CANX: variants seen among roughly 807,000 people sequenced by gnomAD.
CANX encodes calnexin.
In CANX, 14 loss-of-function variants were observed where a neutral mutation model predicts 75.7. The ratio of observed to expected loss-of-function variants is 0.19; its 90% confidence interval spans 0.12 to 0.29. The LOEUF (loss-of-function observed/expected upper bound fraction) is 0.29, where lower values mean the gene tolerates loss of function less well. Among genes scored for constraint, CANX ranks in the 10% least tolerant of loss-of-function variants. The probability of loss-of-function intolerance (pLI) is 1.00; values close to 1 mark genes in which losing one functional copy is unlikely to be tolerated. For synonymous variants in CANX, 227 were observed against 236.9 expected (o/e 0.96, Z 0.38); for missense variants, 567 against 713.2 (o/e 0.79, Z 2.34).
rs149204588 is a variant in CANX at position 179,720,578 on chromosome 5, G to A, written c.1182+18G>A. The A allele has an allele frequency of 5.2e-4, 836 of 1,610,808 alleles. 9 individuals are homozygous for A. The East Asian group carries it at 0.017, about 34-fold the overall frequency. On this transcript the variant is annotated intron_variant, in intron 10 of 14. Coordinates refer to ENST00000247461, the MANE Select transcript of CANX (RefSeq NM_001746.4). ...GTTACCAGGTTTGTGCCTCTTGATGGTTGAGTTGCTTTCATTAATCTGTTT... is the reference window on the plus strand; with the variant it reads ...GTTACCAGGTTTGTGCCTCTTGATGATTGAGTTGCTTTCATTAATCTGTTT...
In CANX at chr5:179,730,804, G is replaced by A. The variant is rs1468756479; in HGVS notation, c.*2160G>A. 6.6e-6 allele frequency: 1 copy of A among 152,150 alleles called. No individual in the cohort carries two copies. Among genetic ancestry groups the A allele is most frequent in the African/African-American group, 2.4e-5 (1 of 41,408 alleles). 9.4% of individuals were successfully genotyped at this position (152,150 alleles called of 1,614,324 possible). A position where few individuals can be genotyped will look rare whatever the true frequency, so the allele number is the denominator to read the frequency against. ...TTACATGCTGGTTACCTGTTCCATT[G>A]TTGTCAAATGCCCACTCTCCATCAG... On this transcript the variant is annotated 3_prime_UTR_variant, in exon 15 of 15. Transcript: ENST00000247461.
intron 1 of CANX, among the ~76,000 whole-genome samples, chr5:179,681,141 G>C (rs757393966): frequency 3.3e-5 from 5 of 152,180 alleles, no homozygotes; most frequent in Non-Finnish European, 7.3e-5. Context: ...TGAGCTGTCA[G>C]ATAGACTCTG....
rs1206480222 is a variant in CANX at position 179,706,276 on chromosome 5, G to A, written c.190G>A (p.Val64Ile). 3.1e-6 allele frequency: 5 copies of A among 1,594,148 alleles called. No individual in the cohort carries two copies. The African/African-American group carries it at 5.4e-5, about 17-fold the overall frequency. Residue 64 changes from valine (V) to isoleucine (I), a missense_variant, in exon 3 of 15, where the codon GTT (valine) becomes ATT (isoleucine). This residue lies in a region of CANX where 351 missense variants were observed against 433.8 expected (regional missense o/e 0.81). Coordinates refer to ENST00000247461, the MANE Select transcript of CANX (RefSeq NM_001746.4). The stretch of plus-strand genomic sequence containing the variant: ...AACACAGGTTACTTACAAAGCTCCA[G>A]TTCCAACAGGGGAAGTATATTTTGC... ...SSPKVTYKAP[V>I]PTGEVYFADS...
chr5:179,720,946 G>A (rs1309896253), intron 10 of CANX, among the ~76,000 whole-genome samples: 1 of 151,716 alleles, frequency 6.6e-6, no homozygotes, highest in African/African-American at 2.4e-5. Context: ...ACCACGCCTG[G>A]CTAATTTTTA....
At chr5:179,701,856 C>T (rs1424601133) in intron 1 of CANX, among the ~76,000 whole-genome samples, 2 of 143,910 alleles carry the variant, frequency 1.4e-5, no homozygotes, top group African/African-American at 2.5e-5. Flanking sequence ...TCTCCTGCCT[C>T]AGCCTCCCAA....
chr5:179,723,557 G>A, intron 11 of CANX, 103 bp from the exon 12 acceptor site: 5 of 1,141,614 alleles, frequency 4.4e-6, no homozygotes, highest in Non-Finnish European at 6.3e-6. Flanking sequence ...GAAAAAGAAG[G>A]TCCTGCGTAG....
chr5:179,698,161 T>C (rs1476761381), upstream of CANX, among the ~76,000 whole-genome samples: 1 of 152,216 alleles, frequency 6.6e-6, no homozygotes, highest in Non-Finnish European at 1.5e-5. Context: ...ACTGAAGATG[T>C]ACTAAGAGTG....
At chr5:179,698,714 G>T, upstream of CANX, 2 of 824,314 alleles carry the variant, frequency 2.4e-6, no homozygotes, top group Non-Finnish European at 3.5e-6. Context: ...CGGCGGTCTC[G>T]ATCCAGCGTG....
At chr5:179,683,641 C>T (rs1181595057) in intron 1 of CANX, among the ~76,000 whole-genome samples, 1 of 151,956 alleles carries the variant, frequency 6.6e-6, no homozygotes, top group South Asian at 2.1e-4. Flanking sequence ...TCAAGTGATT[C>T]TCCTGTCTCA....
At chr5:179,697,862 T>TGAGC (rs1776454422), upstream of CANX, among the ~76,000 whole-genome samples, 1 of 152,136 alleles carries the variant, frequency 6.6e-6, no homozygotes, top group South Asian at 2.1e-4. Flanking sequence ...GACTCCAGCC[T>TGAGC]GAGCGACAGA....
chr5:179,719,675 G>A lies in CANX; in HGVS notation c.919G>A (p.Asp307Asn). Residue 307 changes from aspartate to asparagine, a missense_variant, in exon 9 of 15, where the codon GAT becomes AAT. This residue lies in a region of CANX where 351 missense variants were observed against 433.8 expected (regional missense o/e 0.81). Coordinates refer to ENST00000247461, the MANE Select transcript of CANX (RefSeq NM_001746.4). ...TTTTCTTTTGTATTTAAGGGATGAAGATGCCCCTGCTAAGATTCCAGATGA... is the reference window on the plus strand; with the variant it reads ...TTTTCTTTTGTATTTAAGGGATGAAAATGCCCCTGCTAAGATTCCAGATGA... The part of the protein sequence containing the change: ...EAVKPDDWDE[D>N]APAKIPDEEA... 6.2e-7 allele frequency: 1 copy of A among 1,601,948 alleles called. No individual in the cohort carries two copies. Among genetic ancestry groups the A allele is most frequent in the South Asian group, 1.1e-5 (1 of 89,984 alleles).
At chr5:179,698,183 T>C (rs1046803799), upstream of CANX, among the ~76,000 whole-genome samples, 8 of 152,342 alleles carry the variant, frequency 5.3e-5, no homozygotes, top group African/African-American at 1.7e-4. Context: ...GTTACTAAAA[T>C]GGTGGCGTAT....
At chr5:179,723,240 TTGTC>T (rs1399738588) in intron 11 of CANX, among the ~76,000 whole-genome samples, 4 of 152,218 alleles carry the variant, frequency 2.6e-5, no homozygotes, top group African/African-American at 4.8e-5. Context: ...TTTTTATTAT[TTGTC>T]TGGGTATATA....
intron 1 of CANX, among the ~76,000 whole-genome samples, chr5:179,691,439 C>T (rs1776296921): frequency 6.6e-6 from 1 of 152,006 alleles, no homozygotes; most frequent in African/African-American, 2.4e-5. Flanking sequence ...GGGCACAGTG[C>T]TTCATGCCTG....
At chr5:179,693,533 G>A (rs1011627675), upstream of CANX, among the ~76,000 whole-genome samples, 9 of 152,268 alleles carry the variant, frequency 5.9e-5, no homozygotes, top group African/African-American at 2.2e-4. Flanking sequence ...AATTAGCCGG[G>A]TGAGGTGGCA....
intron 1 of CANX, among the ~76,000 whole-genome samples, chr5:179,680,502 G>A (rs1377114036): frequency 6.6e-6 from 1 of 152,136 alleles, no homozygotes; most frequent in East Asian, 1.9e-4. Context: ...ATAGACCACA[G>A]TCCAGTGTGT....
chr5:179,706,447 A>G, intron 3 of CANX, 116 bp downstream of exon 3: 2 of 531,126 alleles, frequency 3.8e-6, no homozygotes, highest in Admixed American at 3.6e-5. Context: ...ATTTTATTTT[A>G]TTTATTTATT....
chr5:179,728,355 G>C (rs948813119), intron 14 of CANX, among the ~76,000 whole-genome samples: 1 of 152,126 alleles, frequency 6.6e-6, no homozygotes, highest in African/African-American at 2.4e-5. Context: ...ATGTTTATGG[G>C]TTAGATTGAG....
chr5:179,724,955 T>G (rs1317552846), intron 13 of CANX, among the ~76,000 whole-genome samples, 172 bp downstream of exon 13: 1 of 152,166 alleles, frequency 6.6e-6, no homozygotes, highest in African/African-American at 2.4e-5. Context: ...AGTTTAAGGC[T>G]GTAGTCAGCC....
Sources: allele counts gnomAD v4.1 joint callset (sites outside exome capture counted in the v4.1 genomes callset), GRCh38; gene constraint gnomAD v4.1.1; regional missense constraint gnomAD v4.1.1; transcripts MANE v1.5; gene names NCBI Gene and HGNC (gene_info 2026-07-23, HGNC 2026-07-21).